The following CMIP variants were observed in gnomAD, a reference collection of about 807,000 sequenced individuals.
CMIP encodes c-Maf inducing protein.
A neutral mutation model predicts 97.3 loss-of-function variants in CMIP; 13 were observed. That is an observed-to-expected ratio of 0.13 (90% CI 0.09 to 0.21). CMIP has a LOEUF of 0.21. CMIP is among the 10% of genes least tolerant of loss of function. The probability of loss-of-function intolerance (pLI) is 1.00; values close to 1 mark genes in which losing one functional copy is unlikely to be tolerated. For missense variants in CMIP, 847 were observed against 1,024.9 expected (o/e 0.83, Z 2.37); for synonymous variants, 538 against 436.3 (o/e 1.23, Z -2.91).
At chr16:81,459,254 G>A (rs942383168) in intron 1 of CMIP, among the ~76,000 whole-genome samples, 2 of 152,240 alleles carry the variant, frequency 1.3e-5, no homozygotes, top group African/African-American at 4.8e-5. Context: ...TTGGCATCCA[G>A]GCTGTGAAGG....
intron 3 of CMIP, among the ~76,000 whole-genome samples, chr16:81,637,144 C>T (rs557615794): frequency 1.3e-5 from 2 of 152,184 alleles, no homozygotes; most frequent in African/African-American, 4.8e-5. Context: ...AATCTTGGCT[C>T]ACTGCAACCT....
chr16:81,458,189 C>CT (rs1906679583), intron 1 of CMIP, among the ~76,000 whole-genome samples: 1 of 152,148 alleles, frequency 6.6e-6, no homozygotes, highest in South Asian at 2.1e-4. Flanking sequence ...CTTCTCACCT[C>CT]TTCTAAAGAG....
intron 1 of CMIP, among the ~76,000 whole-genome samples, chr16:81,473,019 A>T (rs1326094282): frequency 6.6e-6 from 1 of 152,094 alleles, no homozygotes; most frequent in East Asian, 1.9e-4. Flanking sequence ...GCTTACATAG[A>T]TCCCATCTCC....
Position 81,534,273 on chromosome 16 carries a change from C to G in CMIP, c.301-73294C>G, listed in dbSNP as rs1193963904. Among the ~76,000 whole-genome samples, 6 of 152,216 alleles carry G rather than the reference C, an allele frequency of 3.9e-5. No homozygotes were observed. The East Asian group carries it at 9.6e-4, about 24-fold the overall frequency. ...AGTGGCCCTCAGTCAGGATTTGTTC[C>G]ATTAAACCTCATTCACTGCCCTCAT... On this transcript the variant is annotated intron_variant, in intron 1 of 20. Transcript: ENST00000537098.
At chr16:81,524,711 G>C (rs2090094709) in intron 1 of CMIP, among the ~76,000 whole-genome samples, 1 of 152,226 alleles carries the variant, frequency 6.6e-6, no homozygotes. Flanking sequence ...CGACTCAGCT[G>C]TCAGTCACAA....
rs142326580 is a variant in CMIP, at chr16:81,580,653, C to G, written c.301-26914C>G. Among the ~76,000 whole-genome samples, 312 of 152,162 alleles carry G rather than the reference C, an allele frequency of 2.1e-3. 2 individuals are homozygous for G. The highest frequency in any genetic ancestry group is 2.5e-3 in the East Asian group (13 of 5,140). On this transcript the variant is annotated intron_variant, in intron 1 of 20. Coordinates refer to ENST00000537098, the MANE Select transcript of CMIP (RefSeq NM_198390.3). ...GTTTTGCCATGTTGGCCAGGCTGGTCTCGAACTCCTGACCTCAAGTGATCC... is the reference window on the plus strand; with the variant it reads ...GTTTTGCCATGTTGGCCAGGCTGGTGTCGAACTCCTGACCTCAAGTGATCC...
chr16:81,492,314 G>A (rs76081613), intron 1 of CMIP, among the ~76,000 whole-genome samples: 4,757 of 152,236 alleles, frequency 0.031, 94 homozygotes, highest in Non-Finnish European at 0.048. Flanking sequence ...TTAACTTCAC[G>A]TGTTGAAAAT....
At chr16:81,447,840 G>A (rs566257652) in intron 1 of CMIP, among the ~76,000 whole-genome samples, 58 of 152,320 alleles carry the variant, frequency 3.8e-4, no homozygotes, top group Middle Eastern at 3.4e-3. Context: ...GGCCTGGCTG[G>A]AGCGCTGGCC....
At chr16:81,541,853 G>A (rs1218924621) in intron 1 of CMIP, among the ~76,000 whole-genome samples, 2 of 152,158 alleles carry the variant, frequency 1.3e-5, no homozygotes, top group African/African-American at 4.8e-5. Flanking sequence ...TCTGCAAAGG[G>A]AAAGCCTCAT....
rs1347506572 is a variant in CMIP, at chr16:81,678,512, C to G, written c.1272C>G (p.Ser424Arg). Residue 424 changes from serine to arginine, a missense_variant, in exon 10 of 21, where the codon AGC (serine) becomes AGG (arginine). Transcript: ENST00000537098. ...PALTASAGND[S>R]EPNLIDCLMV... The stretch of plus-strand genomic sequence containing the variant: ...TGACGGCCAGCGCAGGCAACGACAG[C>G]GAGCCCAACCTCATCGACTGCCTCA... 2 of 1,602,128 alleles carry G rather than the reference C, an allele frequency of 1.2e-6. No individual in the cohort carries two copies. The highest frequency in any genetic ancestry group is 1.7e-6 in the Non-Finnish European group (2 of 1,175,174).
chr16:81,610,178 G>A (rs1229777767), intron 2 of CMIP: 1 of 296,644 alleles, frequency 3.4e-6, no homozygotes, highest in Non-Finnish European at 5.0e-6. Flanking sequence ...GGGATGGAGG[G>A]GCAGTGAGGC....
At chr16:81,597,857 C>G (rs753806723) in intron 1 of CMIP, among the ~76,000 whole-genome samples, 2 of 152,034 alleles carry the variant, frequency 1.3e-5, no homozygotes, top group African/African-American at 2.4e-5. Context: ...CATCTGTCTC[C>G]CCCCCAGCTT....
At chr16:81,478,120 C>T (rs139283113) in intron 1 of CMIP, among the ~76,000 whole-genome samples, 1 of 152,208 alleles carries the variant, frequency 6.6e-6, no homozygotes, top group Non-Finnish European at 1.5e-5. Flanking sequence ...CCTTCCCCCC[C>T]ACCCCAGAAA....
intron 1 of CMIP, among the ~76,000 whole-genome samples, chr16:81,449,885 G>A (rs1348844197): frequency 3.3e-5 from 5 of 152,230 alleles, no homozygotes; most frequent in Non-Finnish European, 7.3e-5. Flanking sequence ...TTTGATGCTC[G>A]CATTTGCCTG....
chr16:81,559,009 C>A (rs944536404), intron 1 of CMIP, among the ~76,000 whole-genome samples: 1 of 152,182 alleles, frequency 6.6e-6, no homozygotes, highest in Non-Finnish European at 1.5e-5. Flanking sequence ...TCCGCATTAC[C>A]CCGTGTTTGT....
At chr16:81,529,077 C>T (rs1313887786) in intron 1 of CMIP, among the ~76,000 whole-genome samples, 1 of 152,096 alleles carries the variant, frequency 6.6e-6, no homozygotes, top group Non-Finnish European at 1.5e-5. Flanking sequence ...GAGCTGTGGT[C>T]CTTGCCTTTG....
At chr16:81,497,677 A>G (rs951896623) in intron 1 of CMIP, among the ~76,000 whole-genome samples, 3 of 152,118 alleles carry the variant, frequency 2.0e-5, no homozygotes, top group Non-Finnish European at 4.4e-5. Flanking sequence ...CCCAAATCCC[A>G]CAGGACTCGC....
chr16:81,539,096 T>C (rs2090400113), intron 1 of CMIP, among the ~76,000 whole-genome samples: 1 of 152,216 alleles, frequency 6.6e-6, no homozygotes, highest in Non-Finnish European at 1.5e-5. Context: ...GCTCAGATTC[T>C]CCATTCGCTT....
rs868827558 is a variant in CMIP, at chr16:81,453,406, T to C, written c.300+7865T>C. Among the ~76,000 whole-genome samples the C allele has an allele frequency of 5.5e-4, 83 of 152,126 alleles. No individual in the cohort carries two copies. Among genetic ancestry groups the C allele is most frequent in the African/African-American group, 1.9e-3 (78 of 41,426 alleles). On this transcript the variant is annotated intron_variant, in intron 1 of 20. Coordinates refer to ENST00000537098, the MANE Select transcript of CMIP (RefSeq NM_198390.3). The surrounding 1 kb of genome is among the most constrained non-coding windows in gnomAD (Gnocchi z 4.0). Reference sequence around the variant, plus strand: ...GCTGCATCCAGCTCAGGTGGGGTCATATGGAGAAGGAAGATCACACCGGGA... The same window carrying C: ...GCTGCATCCAGCTCAGGTGGGGTCACATGGAGAAGGAAGATCACACCGGGA...
Sources: gnomAD v4.1 joint callset for allele counts (sites outside exome capture counted in the v4.1 genomes callset) on GRCh38, gnomAD v4.1.1 for gene constraint, Gnocchi (gnomAD v3.1) non-coding constraint, MANE v1.5 for transcripts, NCBI Gene and HGNC (gene_info 2026-07-23, HGNC 2026-07-21) for gene names.